KIF13B: variants seen among roughly 807,000 people sequenced by gnomAD.
KIF13B encodes kinesin family member 13B, also known as kinesin-like protein KIF13B.
Under a neutral mutation model 222.0 loss-of-function variants are expected in KIF13B, and 127 were observed. The observed-to-expected ratio is 0.57, with a 90% CI of 0.50 to 0.66. The LOEUF is 0.66. Ranked by LOEUF, KIF13B falls within the 30% of genes least tolerant of loss-of-function variation. The probability of loss-of-function intolerance (pLI) is 0.00; values close to 1 mark genes in which losing one functional copy is unlikely to be tolerated. For missense variants in KIF13B, 2,173 were observed against 2,379.0 expected (o/e 0.91, Z 1.80); for synonymous variants, 976 against 919.0 (o/e 1.06, Z -1.12).
At chr8:29,200,143 G>C (rs1176633752) in intron 2 of KIF13B, among the ~76,000 whole-genome samples, 1 of 152,136 alleles carries the variant, frequency 6.6e-6, no homozygotes, top group Admixed American at 6.6e-5. Flanking sequence ...TAAGTTTGCA[G>C]CTAGGGATTC....
intron 1 of KIF13B, among the ~76,000 whole-genome samples, chr8:29,261,886 C>T (rs764502025): frequency 5.3e-5 from 8 of 151,906 alleles, no homozygotes; most frequent in Non-Finnish European, 7.4e-5. Context: ...CTGTATGTCT[C>T]AATATATACA....
At chr8:29,093,258 C>T (rs984402804) in intron 36 of KIF13B, among the ~76,000 whole-genome samples, 1 of 152,140 alleles carries the variant, frequency 6.6e-6, no homozygotes, top group African/African-American at 2.4e-5. Flanking sequence ...TTTGTCTAGA[C>T]TTTAAGCTCT....
At chr8:29,143,945 T>C (rs1275679055) in intron 18 of KIF13B, among the ~76,000 whole-genome samples, 1 of 151,934 alleles carries the variant, frequency 6.6e-6, no homozygotes, top group Non-Finnish European at 1.5e-5. Flanking sequence ...TTCCAGCTTA[T>C]AAGAGCAATG....
chr8:29,070,373 G>A lies in KIF13B; in HGVS notation c.*131C>T. The A allele has an allele frequency of 1.0e-6, 1 of 1,004,066 alleles. No homozygotes were observed. The highest frequency in any genetic ancestry group is 1.5e-6 in the Non-Finnish European group (1 of 684,224). 62.2% of individuals were successfully genotyped at this position (1,004,066 alleles called of 1,614,324 possible). A position where few individuals can be genotyped will look rare whatever the true frequency, so the allele number is the denominator to read the frequency against. On this transcript the variant is annotated 3_prime_UTR_variant, in exon 40 of 40. Coordinates refer to ENST00000524189, the MANE Select transcript of KIF13B (RefSeq NM_015254.4). This position sits in a 1 kb window ranked among gnomAD's most constrained non-coding sequence, Gnocchi z 4.1. ...GGCCCAGGGAGGTCACCAGCCCTGT[G>A]TCGTGCAAAAAGCATTCATCGCCCT...
intron 2 of KIF13B, among the ~76,000 whole-genome samples, chr8:29,198,006 T>C (rs982241596): frequency 5.3e-5 from 8 of 152,242 alleles, no homozygotes; most frequent in African/African-American, 1.7e-4. Context: ...TTGCTTCCAA[T>C]TGTCTTCGAC....
chr8:29,205,295 C>T (rs1035650385), intron 2 of KIF13B, among the ~76,000 whole-genome samples: 1 of 152,142 alleles, frequency 6.6e-6, no homozygotes, highest in South Asian at 2.1e-4. Context: ...TCTGGATTTT[C>T]AAATTCTCTT....
At chr8:29,197,340 A>C (rs985463445) in intron 2 of KIF13B, among the ~76,000 whole-genome samples, 1 of 147,016 alleles carries the variant, frequency 6.8e-6, no homozygotes, top group African/African-American at 2.5e-5. Flanking sequence ...CCGTCTCAAA[A>C]AAAAAAAAAA....
intron 37 of KIF13B, among the ~76,000 whole-genome samples, chr8:29,083,075 G>T (rs969253846): frequency 6.6e-5 from 10 of 152,098 alleles, no homozygotes; most frequent in African/African-American, 2.4e-4. Context: ...GCTGCAATGA[G>T]CCATGATCAC....
intron 14 of KIF13B, among the ~76,000 whole-genome samples, chr8:29,152,868 G>A (rs962471552): frequency 2.5e-4 from 38 of 152,078 alleles, no homozygotes; most frequent in African/African-American, 8.5e-4. Flanking sequence ...GTGAGCCACC[G>A]CACCTAGCCG....
intron 19 of KIF13B, 26 bp downstream of exon 19, chr8:29,142,131 A>G: frequency 6.3e-7 from 1 of 1,597,146 alleles, no homozygotes; most frequent in Non-Finnish European, 8.6e-7. Context: ...ATTACCAATT[A>G]AGTGATTTTC....
At chr8:29,126,247 T>G (rs185474101) in intron 26 of KIF13B, among the ~76,000 whole-genome samples, 48 of 152,298 alleles carry the variant, frequency 3.2e-4, no homozygotes, top group African/African-American at 1.2e-3. Flanking sequence ...GGAGCCTGGC[T>G]GGGGAGCTCC....
At chr8:29,247,657 T>C (rs1586983698) in intron 1 of KIF13B, among the ~76,000 whole-genome samples, 4 of 151,174 alleles carry the variant, frequency 2.6e-5, no homozygotes, top group Admixed American at 1.3e-4. Flanking sequence ...AGAGACTCTG[T>C]CTCTACAAAG....
At chr8:29,230,634 G>A (rs1378238696) in intron 2 of KIF13B, among the ~76,000 whole-genome samples, 1 of 152,172 alleles carries the variant, frequency 6.6e-6, no homozygotes, top group Non-Finnish European at 1.5e-5. Context: ...TGAGCATGAG[G>A]AAGTGTCAGA....
chr8:29,263,129 C>T (rs1230498075), upstream of KIF13B: 2 of 1,017,798 alleles, frequency 2.0e-6, no homozygotes, highest in Admixed American at 2.4e-5. Flanking sequence ...GGGGGCGGAG[C>T]CGGGGGTGGG....
At chr8:29,199,087 T>TTTTTTTTTTTTTTTTTTTTATTATAC (rs1563781453) in intron 2 of KIF13B, among the ~76,000 whole-genome samples, 30 of 151,780 alleles carry the variant, frequency 2.0e-4, no homozygotes, top group African/African-American at 6.1e-4. Flanking sequence ...ATAAAATTTT[T>TTTTTTTTTTTTTTTTTTTTATTATAC]TAAAAAATAG....
chr8:29,080,099 T>C (rs2133498743), intron 37 of KIF13B, among the ~76,000 whole-genome samples: 1 of 152,192 alleles, frequency 6.6e-6, no homozygotes, highest in African/African-American at 2.4e-5. Flanking sequence ...CCCACCACTT[T>C]GGGAGGCTGA....
intron 2 of KIF13B, among the ~76,000 whole-genome samples, chr8:29,211,808 A>G (rs1269120601): frequency 6.6e-6 from 1 of 152,200 alleles, no homozygotes; most frequent in Non-Finnish European, 1.5e-5. Flanking sequence ...AATTGCTACA[A>G]TTGCTAATTT....
intron 30 of KIF13B, among the ~76,000 whole-genome samples, chr8:29,117,975 T>A (rs888929694): frequency 6.6e-6 from 1 of 151,884 alleles, no homozygotes; most frequent in Non-Finnish European, 1.5e-5. Flanking sequence ...CTGACCAACA[T>A]GGTGAAACCC....
chr8:29,087,825 G>A (rs1484028112), intron 37 of KIF13B, among the ~76,000 whole-genome samples: 1 of 151,926 alleles, frequency 6.6e-6, no homozygotes, highest in Non-Finnish European at 1.5e-5. Flanking sequence ...GGGGAGGTCT[G>A]AGAGAACAAA....
Sources: gnomAD v4.1 joint callset for allele counts (sites outside exome capture counted in the v4.1 genomes callset) on GRCh38, gnomAD v4.1.1 for gene constraint, Gnocchi (gnomAD v3.1) non-coding constraint, MANE v1.5 for transcripts, NCBI Gene and HGNC (gene_info 2026-07-23, HGNC 2026-07-21) for gene names.